The following PDE7B variants were observed in gnomAD, a reference collection of about 807,000 sequenced individuals.
PDE7B encodes 3',5'-cyclic-AMP phosphodiesterase 7B.
A neutral mutation model predicts 56.2 loss-of-function variants in PDE7B; 29 were observed. The observed-to-expected ratio is 0.52, with a 90% CI of 0.38 to 0.70. The LOEUF is 0.70. Among genes scored for constraint, PDE7B ranks in the 30% least tolerant of loss-of-function variants. The pLI is 0.00. For missense variants in PDE7B, 490 were observed against 565.0 expected, an observed-to-expected ratio of 0.87 and a Z score of 1.35; for synonymous variants, 197 against 196.9, an observed-to-expected ratio of 1.00 and a Z score of 0.00.
At chr6:136,089,380 T>A (rs1777347727) in intron 2 of PDE7B, among the ~76,000 whole-genome samples, 2 of 152,218 alleles carry the variant, frequency 1.3e-5, no homozygotes, top group Admixed American at 1.3e-4. Context: ...AATAAATGGT[T>A]CCATGCTATT....
rs182150947 is a variant in PDE7B, at chr6:135,877,042, T to C, written c.21+25023T>C. Reference sequence around the variant, plus strand: ...TGCGTTTTCATCTTTAATTACCATATATCTCATTTCTAGAAGATACATTTG... The same window carrying C: ...TGCGTTTTCATCTTTAATTACCATACATCTCATTTCTAGAAGATACATTTG... On this transcript the variant is annotated intron_variant, in intron 1 of 12. Coordinates refer to ENST00000308191, the MANE Select transcript of PDE7B (RefSeq NM_018945.4). Among the ~76,000 whole-genome samples the C allele has an allele frequency of 2.5e-3, 385 of 151,980 alleles. 1 individual carries two copies. Among genetic ancestry groups the C allele is most frequent in the Admixed American group, 3.7e-3 (57 of 15,290 alleles).
chr6:135,881,960 G>A (rs778057682), intron 1 of PDE7B, among the ~76,000 whole-genome samples: 8 of 152,124 alleles, frequency 5.3e-5, no homozygotes, highest in Non-Finnish European at 7.4e-5. Flanking sequence ...TCCCACATGC[G>A]TGTTTAATTT....
intron 12 of PDE7B, among the ~76,000 whole-genome samples, chr6:136,188,779 G>A (rs1035133658): frequency 1.3e-5 from 2 of 152,132 alleles, no homozygotes; most frequent in African/African-American, 4.8e-5. Context: ...TTTTAAAAAG[G>A]GGCTGGGGGT....
intron 1 of PDE7B, among the ~76,000 whole-genome samples, chr6:135,922,411 G>A (rs1036620593): frequency 1.1e-4 from 16 of 152,124 alleles, no homozygotes; most frequent in South Asian, 8.3e-4. Context: ...GAATTCCCAA[G>A]GGGGTGAGTC....
Position 136,179,091 on chromosome 6 carries a change from A to C in PDE7B, c.898A>C (p.Asn300His). Reference sequence around the variant, plus strand: ...GACCAGATTGAAAGCTCACCTCCACAATAAAGACTTAAGACTGGAGGATGC... The same window carrying C: ...GACCAGATTGAAAGCTCACCTCCACCATAAAGACTTAAGACTGGAGGATGC... The part of the protein sequence containing the change: ...FLTRLKAHLH[N>H]KDLRLEDAQD... The change falls in exon 10 of 13, where the codon AAT becomes CAT. Residue 300 changes from asparagine (N) to histidine (H), a missense_variant. By Grantham distance (68) the Asn-to-His change is moderately conservative. Transcript: ENST00000308191. The C allele has an allele frequency of 6.2e-7, 1 of 1,614,040 alleles. No individual in the cohort carries two copies. The highest frequency in any genetic ancestry group is 8.5e-7 in the Non-Finnish European group (1 of 1,179,830).
intron 1 of PDE7B, among the ~76,000 whole-genome samples, chr6:135,876,374 A>G (rs1775493216): frequency 6.6e-6 from 1 of 152,056 alleles, no homozygotes. Flanking sequence ...CTTGTCTTTC[A>G]TGTTCTACAG....
At chr6:135,915,541 C>G in intron 1 of PDE7B, among the ~76,000 whole-genome samples, 1 of 152,012 alleles carries the variant, frequency 6.6e-6, no homozygotes, top group Middle Eastern at 3.2e-3. Context: ...CTTGCAAATA[C>G]CTTTAATAGA....
At chr6:135,962,032 A>G (rs1001980936) in intron 2 of PDE7B, among the ~76,000 whole-genome samples, 12 of 152,160 alleles carry the variant, frequency 7.9e-5, no homozygotes, top group African/African-American at 2.9e-4. Flanking sequence ...ATCAATTATA[A>G]CAAATGGACC....
At chr6:135,999,028 A>G (rs1378389514) in intron 2 of PDE7B, among the ~76,000 whole-genome samples, 1 of 152,104 alleles carries the variant, frequency 6.6e-6, no homozygotes, top group Non-Finnish European at 1.5e-5. Context: ...AGAACGGTGA[A>G]TTTATCACCT....
intron 1 of PDE7B, among the ~76,000 whole-genome samples, chr6:135,873,539 G>A (rs1775430296): frequency 6.6e-6 from 1 of 151,984 alleles, no homozygotes; most frequent in South Asian, 2.1e-4. Context: ...ATGAATTCTG[G>A]AAAATAATGG....
chr6:136,173,302 GAGA>G, intron 8 of PDE7B, among the ~76,000 whole-genome samples: 1 of 152,268 alleles, frequency 6.6e-6, no homozygotes. Flanking sequence ...TACCAAAACA[GAGA>G]TATAGATCAA....
chr6:135,876,537 A>G (rs565698173), intron 1 of PDE7B, among the ~76,000 whole-genome samples: 7 of 152,206 alleles, frequency 4.6e-5, no homozygotes, highest in Admixed American at 3.3e-4. Context: ...ACTTTCTTGA[A>G]CTTATATAGT....
chr6:135,954,949 A>G (rs10872455), intron 2 of PDE7B, among the ~76,000 whole-genome samples: 56,575 of 151,888 alleles, frequency 0.37, 10,799 homozygotes, highest in Admixed American at 0.52. Flanking sequence ...GCAGAATAAC[A>G]ACACAAGCGA....
Position 136,191,756 on chromosome 6 carries a change from C to G in PDE7B, c.1269C>G (p.Ser423Arg). The G allele has an allele frequency of 6.3e-7, 1 of 1,598,850 alleles. No homozygotes were observed. The highest frequency in any genetic ancestry group is 8.5e-7 in the Non-Finnish European group (1 of 1,172,954). Residue 423 changes from serine to arginine, a missense_variant, in exon 13 of 13, where the codon AGC becomes AGG. Ser to Arg is a moderately radical substitution (Grantham distance 110, BLOSUM62 -1). Transcript: ENST00000308191. ...GCCTGTTGCCCAGGCAGCACAGAAG[C>G]AGGGGCAGCAGTGGCAGCGGGCCTG... ...WKSLLPRQHR[S>R]RGSSGSGPDH...
At chr6:136,140,085 A>T (rs1778292599) in intron 3 of PDE7B, among the ~76,000 whole-genome samples, 1 of 152,128 alleles carries the variant, frequency 6.6e-6, no homozygotes, top group Non-Finnish European at 1.5e-5. Context: ...GTTTTCTTCT[A>T]GGGTTTTTAT....
intron 2 of PDE7B, among the ~76,000 whole-genome samples, chr6:135,993,338 G>A (rs552338911): frequency 6.6e-5 from 10 of 152,250 alleles, no homozygotes; most frequent in East Asian, 1.9e-4. Context: ...TAACTCCATC[G>A]TTTTCAAGCC....
chr6:135,955,918 A>G (rs1267263558), intron 2 of PDE7B, among the ~76,000 whole-genome samples: 1 of 152,160 alleles, frequency 6.6e-6, no homozygotes, highest in Non-Finnish European at 1.5e-5. Context: ...GGAGAAGTTA[A>G]ATTTTAGACA....
chr6:135,986,336 T>C (rs1475557056), intron 2 of PDE7B, among the ~76,000 whole-genome samples: 2 of 152,202 alleles, frequency 1.3e-5, no homozygotes, highest in Non-Finnish European at 2.9e-5. Context: ...GCTCTTTCTG[T>C]ACATTGCAAA....
At chr6:136,095,098 A>G (rs989049256) in intron 2 of PDE7B, among the ~76,000 whole-genome samples, 11 of 152,346 alleles carry the variant, frequency 7.2e-5, no homozygotes, top group African/African-American at 2.6e-4. Context: ...TTCAGTACAC[A>G]TTAACATACT....
Sources: gnomAD v4.1 joint callset for allele counts (sites outside exome capture counted in the v4.1 genomes callset) on GRCh38, gnomAD v4.1.1 for gene constraint, MANE v1.5 for transcripts, NCBI Gene and HGNC (gene_info 2026-07-23, HGNC 2026-07-21) for gene names.